The following NR3C2 variants were observed in gnomAD, a reference collection of about 807,000 sequenced individuals.
NR3C2 encodes the protein nuclear receptor subfamily 3 group C member 2.
In NR3C2, 15 loss-of-function variants were observed where a neutral mutation model predicts 86.4. The observed-to-expected ratio is 0.17, with a 90% CI of 0.12 to 0.27. The LOEUF is 0.27. NR3C2 is among the 10% of genes least tolerant of loss of function. The probability of loss-of-function intolerance (pLI) is 1.00; values close to 1 mark genes in which losing one functional copy is unlikely to be tolerated. For synonymous variants in NR3C2, 458 were observed against 450.5 expected, an observed-to-expected ratio of 1.02 and a Z score of -0.21; for missense variants, 960 against 1,195.6, an observed-to-expected ratio of 0.80 and a Z score of 2.91.
chr4:148,357,890 T>C (rs1745628100), intron 2 of NR3C2, among the ~76,000 whole-genome samples: 1 of 152,218 alleles, frequency 6.6e-6, no homozygotes, highest in African/African-American at 2.4e-5. Flanking sequence ...AGGAAGTTCT[T>C]ACCTTTTGAT....
chr4:148,114,755 G>T (rs543121613), intron 7 of NR3C2, among the ~76,000 whole-genome samples: 1 of 152,256 alleles, frequency 6.6e-6, no homozygotes, highest in Non-Finnish European at 1.5e-5. Flanking sequence ...GATTTTCCAG[G>T]ATAACTGAAG....
intron 6 of NR3C2, among the ~76,000 whole-genome samples, chr4:148,151,683 C>CT (rs1296248168): frequency 1.3e-5 from 2 of 152,170 alleles, no homozygotes; most frequent in Admixed American, 1.3e-4. Context: ...CATCTGCCTC[C>CT]TCCCCTACTG....
At chr4:148,144,904 A>G (rs1733793889) in intron 6 of NR3C2, among the ~76,000 whole-genome samples, 1 of 152,212 alleles carries the variant, frequency 6.6e-6, no homozygotes, top group Non-Finnish European at 1.5e-5. Flanking sequence ...CCAGGTAGGA[A>G]TGAAGAGAGC....
intron 2 of NR3C2, among the ~76,000 whole-genome samples, chr4:148,295,201 G>C (rs991248527): frequency 1.3e-5 from 2 of 151,926 alleles, no homozygotes; most frequent in Non-Finnish European, 2.9e-5. Flanking sequence ...TTTTTCTTCA[G>C]AATAAGCTAC....
chr4:148,418,804 A>G (rs1031764853), intron 2 of NR3C2, among the ~76,000 whole-genome samples: 1 of 152,230 alleles, frequency 6.6e-6, no homozygotes, highest in Admixed American at 6.5e-5. Flanking sequence ...ACTATTTTAC[A>G]GAGGTGGAAG....
chr4:148,213,808 C>T (rs1264277916), intron 3 of NR3C2, among the ~76,000 whole-genome samples: 1 of 152,134 alleles, frequency 6.6e-6, no homozygotes, highest in Non-Finnish European at 1.5e-5. Flanking sequence ...ATGAATACGC[C>T]ACGAAACTAC....
At chr4:148,088,701 C>A (rs973309955) in intron 8 of NR3C2, among the ~76,000 whole-genome samples, 3 of 143,656 alleles carry the variant, frequency 2.1e-5, no homozygotes, top group African/African-American at 7.8e-5. Flanking sequence ...ACATCACACA[C>A]TGGGGCCTGT....
intron 2 of NR3C2, among the ~76,000 whole-genome samples, chr4:148,265,980 G>A (rs777800407): frequency 9.9e-5 from 15 of 152,018 alleles, no homozygotes; most frequent in Non-Finnish European, 2.1e-4. Flanking sequence ...ATTTCAGATA[G>A]AGGGAAGTAT....
chr4:148,435,979 T>C lies in NR3C2; in HGVS notation c.882A>G (p.Arg294=). 6.2e-7 allele frequency: 1 copy of C among 1,614,140 alleles called. No homozygotes were observed. The highest frequency in any genetic ancestry group is 1.1e-5 in the South Asian group (1 of 91,084). Residue 294 remains arginine (R), a synonymous_variant, in exon 2 of 9, where the codon AGA becomes AGG. Transcript: ENST00000358102. ...PVSSPNNVTL[R]SSVSSPANIN... Reference sequence around the variant, plus strand: ...TATTTGCAGGGCTAGACACAGAGGATCTCAGAGTGACATTATTGGGACTGG... The same window carrying C: ...TATTTGCAGGGCTAGACACAGAGGACCTCAGAGTGACATTATTGGGACTGG...
At chr4:148,307,522 A>G (rs2149931604) in intron 2 of NR3C2, among the ~76,000 whole-genome samples, 1 of 152,348 alleles carries the variant, frequency 6.6e-6, no homozygotes, top group South Asian at 2.1e-4. Flanking sequence ...AACTACTTAA[A>G]TATCTTTTAT....
At chr4:148,089,046 G>A (rs574883987) in intron 8 of NR3C2, among the ~76,000 whole-genome samples, 13 of 152,216 alleles carry the variant, frequency 8.5e-5, no homozygotes, top group East Asian at 1.9e-4. Flanking sequence ...TTAATAGTCT[G>A]GTGAACTTGT....
chr4:148,198,821 C>T (rs959157187), intron 3 of NR3C2, among the ~76,000 whole-genome samples: 5 of 151,872 alleles, frequency 3.3e-5, no homozygotes, highest in Non-Finnish European at 7.4e-5. Context: ...TGGCTCACGC[C>T]TGTAATCCCA....
chr4:148,340,522 T>A (rs1275791816), intron 2 of NR3C2, among the ~76,000 whole-genome samples: 1 of 152,062 alleles, frequency 6.6e-6, no homozygotes, highest in Non-Finnish European at 1.5e-5. Context: ...GACCTGAAAC[T>A]ATAAAACAAC....
intron 3 of NR3C2, among the ~76,000 whole-genome samples, chr4:148,244,625 C>T (rs1420776627): frequency 6.6e-6 from 1 of 152,216 alleles, no homozygotes; most frequent in Non-Finnish European, 1.5e-5. Flanking sequence ...AGGGTCTTAA[C>T]TTAGGCTACT....
chr4:148,436,834 G>A lies in NR3C2; in HGVS notation c.27C>T (p.Leu9=). 1 of 1,611,400 alleles carries A rather than the reference G, an allele frequency of 6.2e-7. No homozygotes were observed. Among genetic ancestry groups the A allele is most frequent in the Non-Finnish European group, 8.5e-7 (1 of 1,179,960 alleles). ...GTCTTTCCATATCTAGACCTTCAGG[G>A]AGACTGTGGTAGCCTTTGGTCTCCA... METKGYHS[L]PEGLDMERRW... Residue 9 remains leucine, a synonymous_variant, in exon 2 of 9, where the codon CTC becomes CTT. Coordinates refer to ENST00000358102, the MANE Select transcript of NR3C2 (RefSeq NM_000901.5).
At chr4:148,153,350 G>A (rs571225044) in intron 5 of NR3C2, among the ~76,000 whole-genome samples, 3 of 152,234 alleles carry the variant, frequency 2.0e-5, no homozygotes, top group Admixed American at 1.3e-4. Context: ...ACTAAATTTT[G>A]TATTTTTAGT....
chr4:148,310,768 A>G (rs923195446), intron 2 of NR3C2, among the ~76,000 whole-genome samples: 1 of 152,116 alleles, frequency 6.6e-6, no homozygotes, highest in Admixed American at 6.6e-5. Context: ...CTTTAAAATA[A>G]TTTTTTTAAA....
At chr4:148,401,262 G>T (rs1022361307) in intron 2 of NR3C2, among the ~76,000 whole-genome samples, 1 of 152,072 alleles carries the variant, frequency 6.6e-6, no homozygotes, top group Non-Finnish European at 1.5e-5. Context: ...CATCTGATGC[G>T]GAAGCATGGC....
chr4:148,147,719 G>A (rs1733933205), intron 6 of NR3C2, among the ~76,000 whole-genome samples: 1 of 152,212 alleles, frequency 6.6e-6, no homozygotes, highest in Non-Finnish European at 1.5e-5. Flanking sequence ...CATCACTACT[G>A]CTCTTTACAC....
Sources: gnomAD v4.1 joint callset for allele counts (sites outside exome capture counted in the v4.1 genomes callset) on GRCh38, gnomAD v4.1.1 for gene constraint, MANE v1.5 for transcripts, NCBI Gene and HGNC (gene_info 2026-07-23, HGNC 2026-07-21) for gene names.